The following CDH19 variants were observed in gnomAD, a reference collection of about 807,000 sequenced individuals.
CDH19 encodes the protein cadherin-19.
A neutral mutation model predicts 64.2 loss-of-function variants in CDH19; 67 were observed. The ratio of observed to expected loss-of-function variants is 1.04; its 90% CI spans 0.86 to 1.28. The LOEUF (loss-of-function observed/expected upper bound fraction) is 1.28. Among genes scored for constraint, CDH19 ranks in the 50% most tolerant of loss-of-function variants. The probability of loss-of-function intolerance (pLI) is 0.00; values close to 1 mark genes in which losing one functional copy is unlikely to be tolerated. For synonymous variants in CDH19, 346 were observed against 319.3 expected (o/e 1.08, Z -0.89); for missense variants, 1,030 against 929.0 (o/e 1.11, Z -1.41).
chr18:66,527,216 T>A (rs1986258579), intron 9 of CDH19, among the ~76,000 whole-genome samples: 1 of 151,988 alleles, frequency 6.6e-6, no homozygotes, highest in South Asian at 2.1e-4. Flanking sequence ...ACTTAGTAAT[T>A]CTATTTTGAA....
chr18:66,531,551 G>C (rs1986445893), intron 8 of CDH19, among the ~76,000 whole-genome samples: 1 of 152,258 alleles, frequency 6.6e-6, no homozygotes, highest in African/African-American at 2.4e-5. Flanking sequence ...AGGAGGTTGT[G>C]GCAGCAGTGA....
In CDH19 at chr18:66,502,186, G is replaced by A. The variant is rs1285619785; in HGVS notation, c.*2626C>T. On this transcript the variant is annotated 3_prime_UTR_variant, in exon 12 of 12. Transcript: ENST00000262150. The stretch of plus-strand genomic sequence containing the variant: ...AATATAATACAAAGTATAATTCCTA[G>A]GAAGTTGCACCTTCTGTATTAGAAT... 2.0e-5 allele frequency: 3 copies of A among 151,966 alleles called. No individual in the cohort carries two copies. Among genetic ancestry groups the A allele is most frequent in the African/African-American group, 4.8e-5 (2 of 41,404 alleles). 9.4% of individuals were successfully genotyped at this position (151,966 alleles called of 1,614,324 possible). A position where few individuals can be genotyped will look rare whatever the true frequency, so the allele number is the denominator to read the frequency against.
At chr18:66,555,685 A>G (rs1179208347) in intron 3 of CDH19, among the ~76,000 whole-genome samples, 1 of 151,700 alleles carries the variant, frequency 6.6e-6, no homozygotes, top group African/African-American at 2.4e-5. Flanking sequence ...GTAGACACTT[A>G]CTAGTTTCAG....
Position 66,501,836 on chromosome 18 carries a change from C to T in CDH19, c.*2976G>A, listed in dbSNP as rs866874432. The T allele has an allele frequency of 4.0e-4, 61 of 152,124 alleles. No homozygotes were observed. The highest frequency in any genetic ancestry group is 1.3e-3 in the African/African-American group (53 of 41,520). 9.4% of individuals were successfully genotyped at this position (152,124 alleles called of 1,614,324 possible). A position where few individuals can be genotyped will look rare whatever the true frequency, so the allele number is the denominator to read the frequency against. On this transcript the variant is annotated 3_prime_UTR_variant, in exon 12 of 12. Transcript: ENST00000262150. ...AGCAGTTTAACAAATATTATATGTT[C>T]GCTTAATTGAAAGTAACTAATTCAA...
At chr18:66,529,988 T>A (rs771760974) in intron 8 of CDH19, 22 bp from the exon 9 acceptor site, 3 of 1,249,152 alleles carry the variant, frequency 2.4e-6, no homozygotes, top group Non-Finnish European at 3.3e-6. Context: ...ATATATATAA[T>A]AAAAATCTAA....
At chr18:66,541,968 C>T (rs943647611) in intron 7 of CDH19, among the ~76,000 whole-genome samples, 1 of 152,030 alleles carries the variant, frequency 6.6e-6, no homozygotes, top group Non-Finnish European at 1.5e-5. Context: ...AAAATGTATG[C>T]AGTGGTATTA....
At chr18:66,530,093 A>T (rs1986385122) in intron 8 of CDH19, 127 bp from the exon 9 acceptor site, 1 of 403,798 alleles carries the variant, frequency 2.5e-6, no homozygotes, top group African/African-American at 2.1e-5. Context: ...CAATCTGAGG[A>T]CAGGATATCT....
At chr18:66,544,637 TTAAAAACTAACC>T in intron 6 of CDH19, 70 bp downstream of exon 6, 1 of 962,846 alleles carries the variant, frequency 1.0e-6, no homozygotes, top group Non-Finnish European at 1.5e-6. Context: ...ATTTAATGAG[TTAAAAACTAACC>T]AGCTACACAA....
At chr18:66,511,718 G>C in intron 9 of CDH19, 33 bp from the exon 10 acceptor site, 1 of 1,010,818 alleles carries the variant, frequency 9.9e-7, no homozygotes, top group Non-Finnish European at 1.6e-6. Context: ...TTTTGTTGTT[G>C]TTTGGATTCA....
chr18:66,525,305 G>A (rs1986178091), intron 9 of CDH19, among the ~76,000 whole-genome samples: 1 of 151,944 alleles, frequency 6.6e-6, no homozygotes, highest in Non-Finnish European at 1.5e-5. Flanking sequence ...CGGTTCATAT[G>A]CACACCATTT....
Position 66,553,145 on chromosome 18 carries a change from C to T in CDH19, c.610+1260G>A, listed in dbSNP as rs1325518229. ...TACAGTGGAATGTATGTGTGTATTA[C>T]TATTCATGTTTAATATCTATCTGTA... is the stretch of plus-strand genomic sequence containing the variant. On this transcript the variant is annotated intron_variant, in intron 4 of 11. Coordinates refer to ENST00000262150, the MANE Select transcript of CDH19 (RefSeq NM_021153.4). Among the ~76,000 whole-genome samples the T allele has an allele frequency of 3.0e-5, 4 of 134,456 alleles. 2 individuals are homozygous for T. Among genetic ancestry groups the T allele is most frequent in the African/African-American group, 1.4e-4 (4 of 29,130 alleles). 88.2% of individuals were successfully genotyped at this position (134,456 alleles called of 152,430 possible).
rs1988690289 is a variant in CDH19, at chr18:66,589,794, G to T, written c.-113+14160C>A. Among the ~76,000 whole-genome samples the T allele has an allele frequency of 1.3e-5, 2 of 151,770 alleles. 1 individual carries two copies. Among genetic ancestry groups the T allele is most frequent in the Admixed American group, 1.3e-4 (2 of 15,200 alleles). On this transcript the variant is annotated intron_variant, in intron 1 of 11. Transcript: ENST00000262150. Reference sequence around the variant, plus strand: ...CTTTATGTATATATATGTTTGTGTTGTGTAGAATCAGTACAAAATCTAAAA... The same window carrying T: ...CTTTATGTATATATATGTTTGTGTTTTGTAGAATCAGTACAAAATCTAAAA...
At chr18:66,536,063 C>T (rs1416950714) in intron 7 of CDH19, among the ~76,000 whole-genome samples, 4 of 149,776 alleles carry the variant, frequency 2.7e-5, no homozygotes, top group Non-Finnish European at 5.9e-5. Context: ...TCTCCACCTC[C>T]ACAATGAAAG....
At position 66,504,964 on chromosome 18, in the gene CDH19, A is replaced by G. The variant is rs1436059992; in HGVS notation, c.2167T>C (p.Phe723Leu). Residue 723 changes from phenylalanine (F) to leucine (L), a missense_variant, in exon 12 of 12, where the codon TTT (phenylalanine) becomes CTT (leucine). Coordinates refer to ENST00000262150, the MANE Select transcript of CDH19 (RefSeq NM_021153.4). ...PPFDSLQTYA[F>L]EGTGSLAGSL... ...CCAGCTAATGACCCTGTTCCCTCAAAAGCGTAGGTCTGGAGGGAATCAAAA... is the reference window on the plus strand; with the variant it reads ...CCAGCTAATGACCCTGTTCCCTCAAGAGCGTAGGTCTGGAGGGAATCAAAA... The G allele has an allele frequency of 6.2e-7, 1 of 1,613,346 alleles. No individual in the cohort carries two copies. Among genetic ancestry groups the G allele is most frequent in the Non-Finnish European group, 8.5e-7 (1 of 1,179,708 alleles).
chr18:66,519,430 G>T (rs1172425527), intron 9 of CDH19, among the ~76,000 whole-genome samples: 1 of 152,160 alleles, frequency 6.6e-6, no homozygotes. Context: ...TTAGTATTCA[G>T]CATGGTTAGG....
chr18:66,553,313 G>C (rs1460389892), intron 4 of CDH19, among the ~76,000 whole-genome samples: 1 of 134,076 alleles, frequency 7.5e-6, no homozygotes, highest in African/African-American at 3.4e-5. Context: ...ACCTGAATGT[G>C]TGAGGGAATT....
intron 1 of CDH19, among the ~76,000 whole-genome samples, chr18:66,599,458 C>T (rs540829312): frequency 2.0e-5 from 3 of 152,098 alleles, no homozygotes; most frequent in African/African-American, 7.2e-5. Context: ...GAGTATGTTT[C>T]ACGTTTCAGA....
intron 3 of CDH19, among the ~76,000 whole-genome samples, chr18:66,560,166 AT>A: frequency 6.6e-6 from 1 of 152,258 alleles, no homozygotes; most frequent in South Asian, 2.1e-4. Context: ...AGTTGCACTA[AT>A]AACGAGCAAA....
intron 1 of CDH19, among the ~76,000 whole-genome samples, chr18:66,579,246 A>G (rs968422967): frequency 4.8e-4 from 73 of 152,088 alleles, no homozygotes; most frequent in Non-Finnish European, 1.6e-4. Context: ...CTGATGTGTT[A>G]TGATATGACC....
Sources: allele counts gnomAD v4.1 joint callset (sites outside exome capture counted in the v4.1 genomes callset), GRCh38; gene constraint gnomAD v4.1.1; transcripts MANE v1.5; gene names NCBI Gene and HGNC (gene_info 2026-07-23, HGNC 2026-07-21).